Variants in CPA5 observed in about 807,000 individuals in gnomAD.
CPA5 encodes the protein testicular tissue protein Li 32.
Under a neutral mutation model 52.2 loss-of-function variants are expected in CPA5, and 38 were observed. The ratio of observed to expected loss-of-function variants is 0.73; its 90% confidence interval spans 0.56 to 0.95. CPA5 has a LOEUF of 0.95. Ranked by LOEUF, CPA5 falls within the 40% of genes least tolerant of loss-of-function variation. The probability of loss-of-function intolerance (pLI) is 0.00; values close to 1 mark genes in which losing one functional copy is unlikely to be tolerated. For synonymous variants in CPA5, 198 were observed against 213.7 expected (o/e 0.93, Z 0.64); for missense variants, 519 against 566.7 (o/e 0.92, Z 0.86).
intron 8 of CPA5, 117 bp downstream of exon 8, chr7:130,362,656 C>T: frequency 2.7e-6 from 2 of 750,896 alleles, no homozygotes; most frequent in Non-Finnish European, 4.4e-6. Context: ...CTGTCTCCAT[C>T]CCGCCCTTTG....
At position 130,346,438 on chromosome 7, in the gene CPA5, G is replaced by A; in HGVS notation, c.-48G>A. On this transcript the variant is annotated 5_prime_UTR_variant, in exon 3 of 13. Coordinates refer to ENST00000474905, the MANE Select transcript of CPA5 (RefSeq NM_080385.5). ...GGTGCTGTGCTGTCCTGAGGCCTGG[G>A]CCATGGTGCCCAAGGAAAGCCCCTG... The A allele has an allele frequency of 7.0e-7, 1 of 1,418,486 alleles. No homozygotes were observed. The highest frequency in any genetic ancestry group is 1.2e-5 in the South Asian group (1 of 84,542). 87.9% of individuals were successfully genotyped at this position (1,418,486 alleles called of 1,614,324 possible).
At chr7:130,360,032 C>T (rs1418540462) in intron 6 of CPA5, among the ~76,000 whole-genome samples, 6 of 152,154 alleles carry the variant, frequency 3.9e-5, no homozygotes, top group South Asian at 2.1e-4. Flanking sequence ...AGAGCAGGAG[C>T]GTCGCCATCT....
At chr7:130,347,968 A>G (rs532225549) in intron 4 of CPA5, 121 bp downstream of exon 4, 1 of 705,516 alleles carries the variant, frequency 1.4e-6, no homozygotes, top group Non-Finnish European at 2.4e-6. Context: ...CAAAGAGCAC[A>G]GACCTGTGGG....
At chr7:130,373,847 C>T in the CPA5 span, among the ~76,000 whole-genome samples, 22 of 152,222 alleles carry the variant, frequency 1.4e-4, no homozygotes, top group Non-Finnish European at 7.3e-5. Context: ...GCCTGCGGGG[C>T]CCCAGGGCCA....
chr7:130,362,035 G>C (rs782218097), intron 7 of CPA5, among the ~76,000 whole-genome samples: 1 of 152,144 alleles, frequency 6.6e-6, no homozygotes, highest in Non-Finnish European at 1.5e-5. Flanking sequence ...CACGGCCCCT[G>C]CATGGCAGCA....
chr7:130,358,373 GCCTGGTTCTTATCTCA>G (rs1554405731), intron 5 of CPA5, among the ~76,000 whole-genome samples: 1 of 152,140 alleles, frequency 6.6e-6, no homozygotes, highest in African/African-American at 2.4e-5. Context: ...AGACTAGAAT[GCCTGGTTCTTATCTCA>G]CCTCCACCAC....
At chr7:130,347,893 G>T (rs71579248) in intron 4 of CPA5, 46 bp downstream of exon 4, 205,991 of 1,487,422 alleles carry the variant, frequency 0.14, 15,969 homozygotes, top group East Asian at 0.29. Flanking sequence ...CCTCCTCAGT[G>T]GCTCACACAT....
chr7:130,371,979 G>C (rs782125032), downstream of CPA5, among the ~76,000 whole-genome samples: 12 of 152,166 alleles, frequency 7.9e-5, no homozygotes, highest in Non-Finnish European at 1.5e-4. Flanking sequence ...GCTCCTCTCA[G>C]TTCCCTCAAC....
chr7:130,367,587 T>G lies in CPA5; in HGVS notation c.1038+16T>G, dbSNP rs781969859. On this transcript the variant is annotated intron_variant, in intron 11 of 12. Coordinates refer to ENST00000474905, the MANE Select transcript of CPA5 (RefSeq NM_080385.5). ...GAGGGAGTTGGTGAGACTGGCTGCT[T>G]AGGGCCTGGGGAGAAGAGACCGCTT... 6.2e-7 allele frequency: 1 copy of G among 1,609,686 alleles called. No homozygotes were observed. Among genetic ancestry groups the G allele is most frequent in the South Asian group, 1.1e-5 (1 of 90,916 alleles).
chr7:130,350,211 T>G (rs1795045932), intron 5 of CPA5, 102 bp downstream of exon 5: 1 of 1,272,822 alleles, frequency 7.9e-7, no homozygotes, highest in African/African-American at 1.5e-5. Flanking sequence ...ACATGTGGTT[T>G]CTGGGTCTCC....
At chr7:130,359,143 CA>C (rs1795653931) in intron 5 of CPA5, among the ~76,000 whole-genome samples, 1 of 152,152 alleles carries the variant, frequency 6.6e-6, no homozygotes, top group African/African-American at 2.4e-5. Flanking sequence ...GGTCCTGACT[CA>C]ACAGAGTGTT....
intron 5 of CPA5, among the ~76,000 whole-genome samples, chr7:130,359,345 C>T (rs1230660992): frequency 6.6e-6 from 1 of 152,256 alleles, no homozygotes; most frequent in Non-Finnish European, 1.5e-5. Flanking sequence ...AGACCTAGAA[C>T]CCAGCTCTCT....
intron 5 of CPA5, among the ~76,000 whole-genome samples, chr7:130,357,857 T>C (rs1482288979): frequency 6.6e-6 from 1 of 152,168 alleles, no homozygotes; most frequent in Non-Finnish European, 1.5e-5. Flanking sequence ...ATGGAGTTTT[T>C]AGCTGTTGTT....
At chr7:130,345,274 G>A (rs1460427378) in intron 1 of CPA5, 69 bp downstream of exon 1, 7 of 152,132 alleles carry the variant, frequency 4.6e-5, no homozygotes, top group African/African-American at 1.4e-4. Flanking sequence ...CCAGTTAATC[G>A]GCCATTCTGA....
intron 10 of CPA5, among the ~76,000 whole-genome samples, chr7:130,364,955 C>T (rs1233430005): frequency 6.6e-5 from 10 of 152,236 alleles, no homozygotes; most frequent in Admixed American, 6.5e-4. Flanking sequence ...CCTCGGCCCC[C>T]AGACATGGCA....
chr7:130,350,389 CG>C (rs1419722593), intron 5 of CPA5, among the ~76,000 whole-genome samples: 5 of 152,076 alleles, frequency 3.3e-5, no homozygotes, highest in African/African-American at 1.2e-4. Flanking sequence ...AGCAAAGGTG[CG>C]GGGAGAAGGG....
intron 7 of CPA5, among the ~76,000 whole-genome samples, chr7:130,361,915 C>G (rs1447801628): frequency 1.3e-5 from 2 of 152,186 alleles, no homozygotes; most frequent in African/African-American, 4.8e-5. Flanking sequence ...CTCCGAGCAG[C>G]CAAGTGGACC....
downstream of CPA5, among the ~76,000 whole-genome samples, chr7:130,373,287 G>GTTT (rs201294125): frequency 7.0e-6 from 1 of 142,136 alleles, no homozygotes; most frequent in African/African-American, 2.6e-5. Context: ...CTTGCTGGTG[G>GTTT]TTTTTTTTTT....
chr7:130,370,909 T>A (rs1429781209), downstream of CPA5, among the ~76,000 whole-genome samples: 1 of 152,232 alleles, frequency 6.6e-6, no homozygotes, highest in African/African-American at 2.4e-5. Context: ...TATTCCAGTC[T>A]TCCGGGGGGA....
Sources: gnomAD v4.1 joint callset for allele counts (sites outside exome capture counted in the v4.1 genomes callset) on GRCh38, gnomAD v4.1.1 for gene constraint, MANE v1.5 for transcripts, NCBI Gene and HGNC (gene_info 2026-07-23, HGNC 2026-07-21) for gene names.